GABRB2: variants seen among roughly 807,000 people sequenced by gnomAD.
GABRB2 encodes gamma-aminobutyric acid receptor subunit beta-2.
Under a neutral mutation model 54.7 loss-of-function variants are expected in GABRB2, and 16 were observed. The observed-to-expected ratio is 0.29, with a 90% confidence interval of 0.20 to 0.44. The LOEUF is 0.44. Ranked by LOEUF, GABRB2 falls within the 20% of genes least tolerant of loss-of-function variation. The pLI is 1.00. For missense variants in GABRB2, 355 were observed against 644.0 expected, an observed-to-expected ratio of 0.55 and a Z score of 4.86; for synonymous variants, 244 against 233.8, an observed-to-expected ratio of 1.04 and a Z score of -0.40.
At chr5:161,382,545 G>T (rs1350291974) in intron 5 of GABRB2, among the ~76,000 whole-genome samples, 2 of 151,934 alleles carry the variant, frequency 1.3e-5, no homozygotes, top group African/African-American at 4.8e-5. Flanking sequence ...CCTTTTCTTA[G>T]CTCACTGGGT....
At chr5:161,402,317 C>A (rs998083934) in intron 5 of GABRB2, among the ~76,000 whole-genome samples, 6 of 151,978 alleles carry the variant, frequency 3.9e-5, no homozygotes, top group Non-Finnish European at 5.9e-5. Context: ...TGATAATACT[C>A]TTAAATTTTT....
chr5:161,458,528 G>T (rs1758028551), intron 4 of GABRB2, among the ~76,000 whole-genome samples: 1 of 152,164 alleles, frequency 6.6e-6, no homozygotes, highest in African/African-American at 2.4e-5. Flanking sequence ...CAGGAGTACT[G>T]AACAAAGCAG....
intron 5 of GABRB2, among the ~76,000 whole-genome samples, chr5:161,410,676 A>G (rs751798988): frequency 2.6e-5 from 4 of 152,172 alleles, no homozygotes; most frequent in African/African-American, 7.2e-5. Context: ...CACCAATTCC[A>G]TATTTTAAAT....
At chr5:161,383,818 G>A (rs190292934) in intron 5 of GABRB2, among the ~76,000 whole-genome samples, 255 of 152,314 alleles carry the variant, frequency 1.7e-3, no homozygotes, top group Middle Eastern at 3.4e-3. Context: ...GCTGAATGAC[G>A]CTGAACATGT....
chr5:161,311,625 A>G (rs1178843492), intron 9 of GABRB2, among the ~76,000 whole-genome samples: 1 of 152,028 alleles, frequency 6.6e-6, no homozygotes, highest in African/African-American at 2.4e-5. Flanking sequence ...CAAGGCAGCA[A>G]CCAAGAGATA....
intron 5 of GABRB2, among the ~76,000 whole-genome samples, chr5:161,372,468 G>A (rs545023848): frequency 3.3e-4 from 50 of 152,162 alleles, no homozygotes; most frequent in African/African-American, 1.1e-3. Flanking sequence ...CCTATTTGGG[G>A]CTGTTTCTAA....
At chr5:161,479,991 T>C (rs1263242170) in intron 3 of GABRB2, among the ~76,000 whole-genome samples, 3 of 152,122 alleles carry the variant, frequency 2.0e-5, no homozygotes, top group Admixed American at 6.6e-5. Context: ...CATACACCCA[T>C]ACACACACAG....
intron 3 of GABRB2, among the ~76,000 whole-genome samples, chr5:161,538,320 A>G (rs1364775999): frequency 6.6e-6 from 1 of 152,222 alleles, no homozygotes; most frequent in East Asian, 1.9e-4. Flanking sequence ...ATTTATAAAC[A>G]TGATGGAGGA....
At chr5:161,494,015 CA>C (rs1164949314) in intron 3 of GABRB2, among the ~76,000 whole-genome samples, 19 of 151,626 alleles carry the variant, frequency 1.3e-4, no homozygotes, top group Non-Finnish European at 1.2e-4. Context: ...TATTTTGCAA[CA>C]AATACATACA....
intron 5 of GABRB2, among the ~76,000 whole-genome samples, chr5:161,341,419 C>T (rs1270256764): frequency 6.6e-6 from 1 of 151,756 alleles, no homozygotes; most frequent in Non-Finnish European, 1.5e-5. Flanking sequence ...GAAACTGAGT[C>T]ATTAAATAAT....
chr5:161,435,294 A>C (rs1757277007), intron 4 of GABRB2, among the ~76,000 whole-genome samples: 1 of 152,194 alleles, frequency 6.6e-6, no homozygotes, highest in African/African-American at 2.4e-5. Context: ...AGAATTATAC[A>C]CAAATATGGT....
intron 3 of GABRB2, among the ~76,000 whole-genome samples, chr5:161,517,248 T>A (rs1759977959): frequency 6.6e-6 from 1 of 152,174 alleles, no homozygotes; most frequent in Non-Finnish European, 1.5e-5. Context: ...AGTAAAATGG[T>A]CCTACCTGCC....
At chr5:161,334,658 C>T in intron 7 of GABRB2, 94 bp downstream of exon 7, 2 of 1,304,880 alleles carry the variant, frequency 1.5e-6, no homozygotes, top group Admixed American at 2.0e-5. Context: ...TTGCGTCATG[C>T]ACCACAAATT....
intron 5 of GABRB2, among the ~76,000 whole-genome samples, chr5:161,366,053 A>G (rs1754963309): frequency 6.7e-6 from 1 of 150,286 alleles, no homozygotes; most frequent in African/African-American, 2.5e-5. Flanking sequence ...TTGTCAAGTT[A>G]TCTAGTATGA....
At chr5:161,351,035 T>A (rs1048790363) in intron 5 of GABRB2, among the ~76,000 whole-genome samples, 1 of 151,992 alleles carries the variant, frequency 6.6e-6, no homozygotes, top group Admixed American at 6.6e-5. Context: ...CCTAATAAAG[T>A]CCCCTTCACA....
chr5:161,316,919 C>T (rs1245317673), intron 9 of GABRB2, among the ~76,000 whole-genome samples: 7 of 151,954 alleles, frequency 4.6e-5, no homozygotes, highest in Admixed American at 2.0e-4. Context: ...TACTTGACAG[C>T]GATAATCATT....
At chr5:161,409,584 A>T (rs1432673478) in intron 5 of GABRB2, among the ~76,000 whole-genome samples, 1 of 152,134 alleles carries the variant, frequency 6.6e-6, no homozygotes, top group Non-Finnish European at 1.5e-5. Context: ...TCCCACAAAA[A>T]AATGCTCTTA....
At chr5:161,469,159 T>A (rs183999068) in intron 3 of GABRB2, among the ~76,000 whole-genome samples, 24 of 152,052 alleles carry the variant, frequency 1.6e-4, no homozygotes, top group Non-Finnish European at 3.2e-4. Context: ...TTTTTGTTAA[T>A]CTGTGTTTTT....
chr5:161,488,800 T>A (rs1160763381), intron 3 of GABRB2, among the ~76,000 whole-genome samples: 1 of 151,600 alleles, frequency 6.6e-6, no homozygotes, highest in Non-Finnish European at 1.5e-5. Flanking sequence ...AGAAAAAAAA[T>A]ATTTACAAAA....
Sources: allele counts gnomAD v4.1 joint callset (sites outside exome capture counted in the v4.1 genomes callset), GRCh38; gene constraint gnomAD v4.1.1; transcripts MANE v1.5; gene names NCBI Gene and HGNC (gene_info 2026-07-23, HGNC 2026-07-21).